The following NRXN3 variants were observed in gnomAD, a reference collection of about 807,000 sequenced individuals.
The protein encoded by NRXN3 is neurexin III.
In NRXN3, 32 loss-of-function variants were observed where a neutral mutation model predicts 137.6. That is an observed-to-expected ratio of 0.23 (90% CI 0.18 to 0.31). The LOEUF is 0.31. NRXN3 is among the 10% of genes least tolerant of loss of function. NRXN3 has a pLI of 1.00. For synonymous variants in NRXN3, 798 were observed against 784.5 expected, an observed-to-expected ratio of 1.02 and a Z score of -0.29; for missense variants, 1,574 against 2,062.5, an observed-to-expected ratio of 0.76 and a Z score of 4.59.
intron 19 of NRXN3, among the ~76,000 whole-genome samples, chr14:79,742,866 A>G (rs1456948854): frequency 6.6e-6 from 1 of 152,224 alleles, no homozygotes; most frequent in Non-Finnish European, 1.5e-5. Context: ...GTAATTCCCA[A>G]TATGTAAATG....
chr14:79,275,329 G>C lies in NRXN3; in HGVS notation c.3263-191892G>C, dbSNP rs962113793. Among the ~76,000 whole-genome samples the C allele has an allele frequency of 4.0e-5, 6 of 151,782 alleles. No individual in the cohort carries two copies. In the South Asian group the frequency reaches 1.3e-3, roughly 32 times the overall value. ...ACTCTTCATATTTGGAAAAAAAAAGGGTCTTCACCGAAAAAGCTTAGGGCT... is the reference window on the plus strand; with the variant it reads ...ACTCTTCATATTTGGAAAAAAAAAGCGTCTTCACCGAAAAAGCTTAGGGCT... On this transcript the variant is annotated intron_variant, in intron 15 of 20. Coordinates refer to ENST00000335750, the MANE Select transcript of NRXN3 (RefSeq NM_001330195.2).
At chr14:79,398,040 C>T (rs1412362857) in intron 15 of NRXN3, among the ~76,000 whole-genome samples, 1 of 152,218 alleles carries the variant, frequency 6.6e-6, no homozygotes, top group Non-Finnish European at 1.5e-5. Flanking sequence ...TTCCTTTGCT[C>T]CAGCTGCATT....
chr14:78,882,941 A>T (rs535752981), intron 10 of NRXN3, among the ~76,000 whole-genome samples: 1 of 148,312 alleles, frequency 6.7e-6, no homozygotes, highest in Non-Finnish European at 1.5e-5. Flanking sequence ...GAATCATGGG[A>T]GTGGTTACCC....
intron 15 of NRXN3, among the ~76,000 whole-genome samples, chr14:79,099,728 A>G (rs2050938167): frequency 6.6e-6 from 1 of 152,200 alleles, no homozygotes; most frequent in African/African-American, 2.4e-5. Context: ...TAGGTATTCT[A>G]TGATAAATTT....
chr14:78,267,038 C>T (rs764343018), intron 2 of NRXN3, among the ~76,000 whole-genome samples: 27 of 152,256 alleles, frequency 1.8e-4, no homozygotes, highest in Non-Finnish European at 3.8e-4. Context: ...CATTGCAAAC[C>T]GTGCTAATCA....
chr14:79,076,870 A>G (rs1568206425), intron 15 of NRXN3, among the ~76,000 whole-genome samples: 4 of 152,106 alleles, frequency 2.6e-5, no homozygotes, highest in Admixed American at 1.3e-4. Context: ...CAGAGTAGAG[A>G]AGCATTGCAT....
At chr14:79,305,617 G>A (rs977178176) in intron 15 of NRXN3, among the ~76,000 whole-genome samples, 7 of 152,136 alleles carry the variant, frequency 4.6e-5, no homozygotes, top group South Asian at 2.1e-4. Flanking sequence ...CTAGAACCCC[G>A]GGGATTAGTT....
intron 10 of NRXN3, among the ~76,000 whole-genome samples, chr14:78,854,277 A>G (rs1333849153): frequency 6.6e-6 from 1 of 152,162 alleles, no homozygotes; most frequent in Non-Finnish European, 1.5e-5. Flanking sequence ...ATTTGCTTTA[A>G]CAGTTAGTCA....
chr14:78,322,749 C>T (rs755587265), intron 4 of NRXN3, among the ~76,000 whole-genome samples: 1 of 151,982 alleles, frequency 6.6e-6, no homozygotes, highest in Non-Finnish European at 1.5e-5. Flanking sequence ...ATCCCAGGTG[C>T]CGTCTTATCT....
At chr14:78,666,020 CCTT>C (rs534497913) in intron 6 of NRXN3, among the ~76,000 whole-genome samples, 95 of 152,230 alleles carry the variant, frequency 6.2e-4, no homozygotes, top group African/African-American at 2.3e-3. Context: ...GTCAGCATCT[CCTT>C]CTCTCCCTTT....
At chr14:78,538,318 A>G (rs1437145222) in intron 4 of NRXN3, among the ~76,000 whole-genome samples, 3 of 152,158 alleles carry the variant, frequency 2.0e-5, no homozygotes, top group Non-Finnish European at 4.4e-5. Flanking sequence ...CTCCTTGAAG[A>G]GGTACTTCAC....
intron 1 of NRXN3, among the ~76,000 whole-genome samples, chr14:78,236,152 C>A (rs777978508): frequency 6.6e-6 from 1 of 152,168 alleles, no homozygotes; most frequent in Non-Finnish European, 1.5e-5. Context: ...GAGAAAAGCA[C>A]ATACATTGTA....
intron 10 of NRXN3, among the ~76,000 whole-genome samples, chr14:78,893,727 G>A (rs759203955): frequency 3.9e-4 from 59 of 151,774 alleles, no homozygotes; most frequent in Non-Finnish European, 1.0e-4. Flanking sequence ...TTGAGGGTGC[G>A]AATTTACTTA....
At chr14:79,581,401 A>C (rs1044119682) in intron 16 of NRXN3, among the ~76,000 whole-genome samples, 1 of 152,088 alleles carries the variant, frequency 6.6e-6, no homozygotes, top group Non-Finnish European at 1.5e-5. Flanking sequence ...CCTGTTTTAA[A>C]TTTCCCAAGT....
At chr14:78,546,513 A>T (rs575930827) in intron 4 of NRXN3, among the ~76,000 whole-genome samples, 1 of 152,208 alleles carries the variant, frequency 6.6e-6, no homozygotes, top group South Asian at 2.1e-4. Context: ...GTCTGTTTTT[A>T]ACTTTCACAT....
At chr14:78,993,834 ATTTTTTTTTTTTTTT>A (rs58170856) in intron 15 of NRXN3, among the ~76,000 whole-genome samples, 4 of 67,006 alleles carry the variant, frequency 6.0e-5, no homozygotes, top group Non-Finnish European at 1.3e-4. Context: ...GAGCCTTGAA[ATTTTTTTTTTTTTTT>A]TTTTTTTTTT....
intron 4 of NRXN3, among the ~76,000 whole-genome samples, chr14:78,336,100 G>A (rs1387244452): frequency 6.6e-6 from 1 of 152,118 alleles, no homozygotes; most frequent in African/African-American, 2.4e-5. Flanking sequence ...CCCCCATAGA[G>A]TATGATTCAA....
intron 10 of NRXN3, among the ~76,000 whole-genome samples, chr14:78,872,827 G>A (rs1399763641): frequency 6.6e-6 from 1 of 152,096 alleles, no homozygotes; most frequent in Non-Finnish European, 1.5e-5. Context: ...AGAAAAGGGA[G>A]TCTGTTAGGC....
rs552019101 is a variant in NRXN3 at position 78,459,449 on chromosome 14, C to T, written c.757+161589C>T. Among the ~76,000 whole-genome samples the T allele has an allele frequency of 5.9e-5, 9 of 152,306 alleles. No homozygotes were observed. In the East Asian group the frequency reaches 1.7e-3, roughly 30 times the overall value. On this transcript the variant is annotated intron_variant, in intron 4 of 20. Coordinates refer to ENST00000335750, the MANE Select transcript of NRXN3 (RefSeq NM_001330195.2). ...TTGCTGCTCTGAATCTCATCAGCCT[C>T]TCGTCCTGCTCCAACCCATGGAAGG...
Sources: allele counts gnomAD v4.1 joint callset (sites outside exome capture counted in the v4.1 genomes callset), GRCh38; gene constraint gnomAD v4.1.1; transcripts MANE v1.5; gene names NCBI Gene and HGNC (gene_info 2026-07-23, HGNC 2026-07-21).